Variants in KIF3C observed in about 807,000 individuals in gnomAD.
The protein encoded by KIF3C is kinesin-like protein KIF3C.
In KIF3C, 12 loss-of-function variants were observed where a neutral mutation model predicts 67.7. That is an observed-to-expected ratio of 0.18 (90% confidence interval 0.11 to 0.29). The LOEUF is 0.29. KIF3C is among the 10% of genes least tolerant of loss of function. The probability of loss-of-function intolerance (pLI) is 1.00; values close to 1 mark genes in which losing one functional copy is unlikely to be tolerated. For missense variants in KIF3C, 789 were observed against 1,059.6 expected, an observed-to-expected ratio of 0.74 and a Z score of 3.55; for synonymous variants, 393 against 426.2, an observed-to-expected ratio of 0.92 and a Z score of 0.96.
intron 7 of KIF3C, 50 bp downstream of exon 7, chr2:25,929,255 T>A: frequency 1.9e-6 from 3 of 1,584,352 alleles, no homozygotes; most frequent in Non-Finnish European, 2.6e-6. Flanking sequence ...GCGCCTGCAG[T>A]TCCCCTGCCT....
At chr2:25,967,210 G>C (rs73920215) in intron 1 of KIF3C, among the ~76,000 whole-genome samples, 1,556 of 152,236 alleles carry the variant, frequency 0.01, 29 homozygotes, top group African/African-American at 0.036. Context: ...GAGTCTTATG[G>C]GGGTCTCTGA....
Position 25,956,433 on chromosome 2 carries a change from G to T in KIF3C, c.1557C>A (p.Ser519Arg). ...LLAAKYKAME[S>R]KLLIGGRNIM... The stretch of plus-strand genomic sequence containing the variant: ...TGTTCCTGCCCCCGATGAGGAGCTT[G>T]CTCTCCATGGCCTGGGGACACAGAG... The change falls in exon 2 of 8, where the codon AGC (serine) becomes AGA (arginine). Residue 519 changes from serine (S) to arginine (R), a missense_variant. Coordinates refer to ENST00000264712, the MANE Select transcript of KIF3C (RefSeq NM_002254.8). 6.2e-7 allele frequency: 1 copy of T among 1,613,678 alleles called. No homozygotes were observed. The highest frequency in any genetic ancestry group is 8.5e-7 in the Non-Finnish European group (1 of 1,179,714).
intron 6 of KIF3C, among the ~76,000 whole-genome samples, 198 bp downstream of exon 6, chr2:25,929,757 A>C (rs1020810110): frequency 6.6e-6 from 1 of 151,598 alleles, no homozygotes; most frequent in African/African-American, 2.4e-5. Flanking sequence ...CTGGGACTAT[A>C]GGCACCCATC....
chr2:25,931,374 C>T (rs1387645471), intron 5 of KIF3C, among the ~76,000 whole-genome samples: 2 of 152,066 alleles, frequency 1.3e-5, no homozygotes, highest in Non-Finnish European at 1.5e-5. Flanking sequence ...AGGAGAATTG[C>T]TTGAACCTGG....
intron 5 of KIF3C, among the ~76,000 whole-genome samples, chr2:25,935,752 C>T (rs1663080296): frequency 1.3e-5 from 2 of 152,044 alleles, no homozygotes; most frequent in South Asian, 4.2e-4. Flanking sequence ...CTATTCAGTC[C>T]TATGAAGGAA....
chr2:25,929,555 T>C, intron 6 of KIF3C, 78 bp from the exon 7 acceptor site: 1 of 1,297,840 alleles, frequency 7.7e-7, no homozygotes, highest in East Asian at 2.3e-5. Flanking sequence ...GTCTTGGGTG[T>C]AGCAGGGCTG....
rs1465716464 is a variant in KIF3C, at chr2:25,951,895, T to C, written c.1900A>G (p.Ile634Val). The change falls in exon 5 of 8, where the codon ATC becomes GTC. Residue 634 changes from isoleucine (I) to valine (V), a missense_variant. Around this residue, in one of 2 missense-constraint regions of KIF3C, gnomAD observed 648 missense variants for 807.8 expected, o/e 0.80. Coordinates refer to ENST00000264712, the MANE Select transcript of KIF3C (RefSeq NM_002254.8). ...TCCTCCGGCGGGATGAAGTTCTCGATGATTAGGTACCTGGGAGCAGGAATG... is the reference window on the plus strand; with the variant it reads ...TCCTCCGGCGGGATGAAGTTCTCGACGATTAGGTACCTGGGAGCAGGAATG... ...TRELKLKYLI[I>V]ENFIPPEEKN... 2 of 1,611,438 alleles carry C rather than the reference T, an allele frequency of 1.2e-6. No homozygotes were observed. Among genetic ancestry groups the C allele is most frequent in the Middle Eastern group, 1.6e-4 (1 of 6,078 alleles).
chr2:25,935,530 C>T lies in KIF3C; in HGVS notation c.2007-5467G>A, dbSNP rs180772610. Among the ~76,000 whole-genome samples the T allele has an allele frequency of 2.9e-3, 445 of 152,118 alleles. 1 individual carries two copies. Among genetic ancestry groups the T allele is most frequent in the African/African-American group, 0.01 (418 of 41,528 alleles). On this transcript the variant is annotated intron_variant, in intron 5 of 7. Transcript: ENST00000264712. Reference sequence around the variant, plus strand: ...TACAGGCAGGTGCCACCACACCTGGCTAATTTTGTTATTTTTTGACAGGGT... The same window carrying T: ...TACAGGCAGGTGCCACCACACCTGGTTAATTTTGTTATTTTTTGACAGGGT...
chr2:25,971,256 A>G, intron 1 of KIF3C, among the ~76,000 whole-genome samples: 1 of 136,392 alleles, frequency 7.3e-6, no homozygotes, highest in East Asian at 2.1e-4. Context: ...TGGGTGACAG[A>G]GCAAGACTCT....
At chr2:25,944,652 A>G (rs1663381088) in intron 5 of KIF3C, among the ~76,000 whole-genome samples, 1 of 152,010 alleles carries the variant, frequency 6.6e-6, no homozygotes, top group Non-Finnish European at 1.5e-5. Context: ...TACCCAGCCT[A>G]TAATTGCCTT....
At chr2:25,978,545 CTCTGGTGCAAGAAT>C in intron 1 of KIF3C, among the ~76,000 whole-genome samples, 1 of 152,182 alleles carries the variant, frequency 6.6e-6, no homozygotes, top group South Asian at 2.1e-4. Flanking sequence ...TGGGCTATGC[CTCTGGTGCAAGAAT>C]TCTGGTGCTG....
At chr2:25,970,572 C>CAGA (rs1324240296) in intron 1 of KIF3C, among the ~76,000 whole-genome samples, 1 of 142,880 alleles carries the variant, frequency 7.0e-6, no homozygotes, top group African/African-American at 2.6e-5. Flanking sequence ...GAGGCTGAGA[C>CAGA]AGAAGAATTG....
intron 1 of KIF3C, among the ~76,000 whole-genome samples, chr2:25,979,766 G>A (rs551751109): frequency 6.6e-6 from 1 of 152,250 alleles, no homozygotes; most frequent in Admixed American, 6.5e-5. Context: ...TGAGGTCCAT[G>A]GGTTCCAGCT....
chr2:25,973,830 C>A (rs1015764326), intron 1 of KIF3C, among the ~76,000 whole-genome samples: 58 of 152,260 alleles, frequency 3.8e-4, no homozygotes, highest in African/African-American at 1.4e-3. Flanking sequence ...GGTAGAACAG[C>A]TGGTGCAGGG....
At position 25,930,066 on chromosome 2, in the gene KIF3C, G is replaced by A. The variant is rs750977143; in HGVS notation, c.2007-3C>T. ...GCTTCTTCATCTGGCTGCTACTGCT[G>A]TAGGAAAGAGGCTATATTAGAAAGG... On this transcript the variant is annotated splice_region_variant and splice_polypyrimidine_tract_variant and intron_variant, in intron 5 of 7. Transcript: ENST00000264712. 33 of 1,609,366 alleles carry A rather than the reference G, an allele frequency of 2.1e-5. No individual in the cohort carries two copies. Among genetic ancestry groups the A allele is most frequent in the Non-Finnish European group, 2.4e-5 (28 of 1,175,812 alleles).
Position 25,929,400 on chromosome 2 carries a change from T to C in KIF3C, c.2193A>G (p.Glu731=). 1.9e-6 allele frequency: 3 copies of C among 1,614,090 alleles called. No homozygotes were observed. The highest frequency in any genetic ancestry group is 2.2e-5 in the East Asian group (1 of 44,870). Residue 731 remains glutamate (E), a synonymous_variant, in exon 7 of 8, where the codon GAA becomes GAG. Coordinates refer to ENST00000264712, the MANE Select transcript of KIF3C (RefSeq NM_002254.8). ...CCATGTGTAGCGCACGAGGGTCTTG[T>C]TCTTGGTCGTGAGAGAATTCCATCT... ...VFEMEFSHDQ[E]QDPRALHMER...
intron 1 of KIF3C, among the ~76,000 whole-genome samples, chr2:25,974,534 G>T (rs764979821): frequency 7.2e-5 from 11 of 152,238 alleles, no homozygotes; most frequent in Middle Eastern, 3.4e-3. Context: ...CTGTAACAAA[G>T]ATACTATTAC....
intron 5 of KIF3C, among the ~76,000 whole-genome samples, chr2:25,946,966 AC>A (rs889369482): frequency 6.6e-6 from 1 of 152,164 alleles, no homozygotes; most frequent in Non-Finnish European, 1.5e-5. Context: ...AGCCTGGCCA[AC>A]ATGGTGAAAC....
intron 1 of KIF3C, among the ~76,000 whole-genome samples, chr2:25,959,612 C>G (rs35763616): frequency 0.45 from 67,616 of 151,874 alleles, 18,218 homozygotes; most frequent in East Asian, 0.89. Context: ...GCTAATTTTT[C>G]TATTTTTAGT....
Sources: gnomAD v4.1 joint callset for allele counts (sites outside exome capture counted in the v4.1 genomes callset) on GRCh38, gnomAD v4.1.1 for gene constraint, gnomAD v4.1.1 regional missense constraint, MANE v1.5 for transcripts, NCBI Gene and HGNC (gene_info 2026-07-23, HGNC 2026-07-21) for gene names.